ADAR: variants seen among roughly 807,000 people sequenced by gnomAD.
ADAR encodes the protein double-stranded RNA-specific adenosine deaminase.
ADAR carries 41 observed loss-of-function variants against 113.2 expected under a neutral mutation model. That is an observed-to-expected ratio of 0.36 (90% CI 0.28 to 0.47). The LOEUF is 0.47. Among genes scored for constraint, ADAR ranks in the 20% least tolerant of loss-of-function variants. ADAR has a pLI of 1.00. For missense variants in ADAR, 1,242 were observed against 1,540.9 expected (o/e 0.81, Z 3.25); for synonymous variants, 605 against 572.6 (o/e 1.06, Z -0.81).
At chr1:154,595,330 A>T (rs1697422618) in intron 6 of ADAR, among the ~76,000 whole-genome samples, 1 of 152,212 alleles carries the variant, frequency 6.6e-6, no homozygotes, top group African/African-American at 2.4e-5. Context: ...TCCAGAAAGC[A>T]CTGTTACCAT....
chr1:154,591,943 G>T (rs1468433958), intron 6 of ADAR, among the ~76,000 whole-genome samples: 12 of 152,198 alleles, frequency 7.9e-5, no homozygotes, highest in Admixed American at 7.9e-4. Flanking sequence ...AGATTGTGTA[G>T]TATCTTTACC....
At chr1:154,610,251 A>G (rs1165932262), upstream of ADAR, among the ~76,000 whole-genome samples, 4 of 146,798 alleles carry the variant, frequency 2.7e-5, no homozygotes, top group Admixed American at 2.8e-4. Context: ...GTAAACCCCA[A>G]GAAGTTCATG....
At chr1:154,606,161 C>T (rs1318450290) in intron 1 of ADAR, 1 of 155,480 alleles carries the variant, frequency 6.4e-6, no homozygotes, top group Non-Finnish European at 1.4e-5. Flanking sequence ...CCTGCCTCAG[C>T]CTCCGGAGTA....
intron 1 of ADAR, among the ~76,000 whole-genome samples, chr1:154,620,665 A>G (rs1235780459): frequency 6.6e-6 from 1 of 152,242 alleles, no homozygotes; most frequent in Non-Finnish European, 1.5e-5. Flanking sequence ...ATTTTAGAAC[A>G]GGCAAAACTA....
At chr1:154,595,568 A>G (rs1053980141) in intron 6 of ADAR, among the ~76,000 whole-genome samples, 1 of 152,212 alleles carries the variant, frequency 6.6e-6, no homozygotes, top group Non-Finnish European at 1.5e-5. Flanking sequence ...AACAAAGGAA[A>G]TATTTTTGGA....
rs763134303 is a variant in ADAR at position 154,598,592 on chromosome 1, G to A, written c.1602-7C>T. On this transcript the variant is annotated splice_polypyrimidine_tract_variant and splice_region_variant and intron_variant, in intron 2 of 14. Transcript: ENST00000368474. ...GACAACCTGGAATTTAAATCTTGAC[G>A]GAAAGTGATTAGATGTGTGAACAGG... The A allele has an allele frequency of 2.4e-5, 39 of 1,613,868 alleles. No individual in the cohort carries two copies. The South Asian group carries it at 3.3e-4, about 14-fold the overall frequency.
chr1:154,602,579 C>T lies in ADAR; in HGVS notation c.63G>A (p.Glu21=). The T allele has an allele frequency of 6.2e-7, 1 of 1,614,200 alleles. No homozygotes were observed. The highest frequency in any genetic ancestry group is 8.5e-7 in the Non-Finnish European group (1 of 1,180,022). ...GCTGCTGGTACCTGAGCTGTCTGTG[C>T]TCATAGCCTTGAAATGGATGGGTGT... ...GYYTHPFQGY[E]HRQLRYQQPG... The change falls in exon 2 of 15, where the codon GAG becomes GAA. Residue 21 remains glutamate (E), a synonymous_variant. Transcript: ENST00000368474.
At chr1:154,586,666 A>T (rs767393374) in intron 11 of ADAR, among the ~76,000 whole-genome samples, 2 of 152,228 alleles carry the variant, frequency 1.3e-5, no homozygotes, top group Non-Finnish European at 2.9e-5. Flanking sequence ...AGTGCTCTGA[A>T]GGCTCTGAGG....
upstream of ADAR, among the ~76,000 whole-genome samples, chr1:154,609,929 A>T (rs144883312): frequency 2.3e-3 from 351 of 152,304 alleles, 1 homozygote; most frequent in African/African-American, 7.4e-3. Context: ...CGGGGGCAGG[A>T]AGCATGTTTT....
At chr1:154,586,859 G>A (rs1039895445) in intron 11 of ADAR, among the ~76,000 whole-genome samples, 1 of 152,162 alleles carries the variant, frequency 6.6e-6, no homozygotes, top group African/African-American at 2.4e-5. Flanking sequence ...CAGAGCATAT[G>A]CGAGGGATGG....
chr1:154,601,630 C>G lies in ADAR; in HGVS notation c.1012G>C (p.Glu338Gln). 6.2e-7 allele frequency: 1 copy of G among 1,613,702 alleles called. No individual in the cohort carries two copies. The highest frequency in any genetic ancestry group is 8.5e-7 in the Non-Finnish European group (1 of 1,180,024). Residue 338 changes from glutamate to glutamine, a missense_variant, in exon 2 of 15, where the codon GAA becomes CAA. By Grantham distance (29) the Glu-to-Gln change is conservative. Transcript: ENST00000368474. This position sits in a 1 kb window ranked among gnomAD's most constrained non-coding sequence, Gnocchi z 4.7. The stretch of plus-strand genomic sequence containing the variant: ...TGTCTATAGACATCCCCCTGCCTTT[C>G]CATGTCAATTAGCACAGCATTTATA... ...RDINAVLIDM[E>Q]RQGDVYRQGT...
chr1:154,623,726 G>C (rs1698856633), intron 1 of ADAR, among the ~76,000 whole-genome samples: 1 of 152,160 alleles, frequency 6.6e-6, no homozygotes, highest in Non-Finnish European at 1.5e-5. Flanking sequence ...AAGAAGGCCG[G>C]GCACAGTAGC....
At chr1:154,623,800 C>A (rs1357159013) in intron 1 of ADAR, among the ~76,000 whole-genome samples, 1 of 151,940 alleles carries the variant, frequency 6.6e-6, no homozygotes, top group East Asian at 1.9e-4. Flanking sequence ...GTCAGGAGTT[C>A]AAGACCAGCC....
In ADAR at chr1:154,598,432, GGAT is replaced by G. The variant is rs17843870; in HGVS notation, c.1752_1754del (p.Ser585del). On this transcript the variant is annotated inframe_deletion, in exon 3 of 15. Coordinates refer to ENST00000368474, the MANE Select transcript of ADAR (RefSeq NM_001111.5). The stretch of plus-strand genomic sequence containing the variant: ...CTGATTCTTTCTCTGTGGAATAGTG[GGAT>G]GATTCTTCTGATTTTCCACTGTCCT... The G allele has an allele frequency of 4.8e-5, 77 of 1,614,146 alleles. 1 individual carries two copies. In the East Asian group the frequency reaches 1.7e-3, roughly 35 times the overall value.
At chr1:154,614,267 C>G (rs1431163758) in intron 1 of ADAR, among the ~76,000 whole-genome samples, 1 of 152,236 alleles carries the variant, frequency 6.6e-6, no homozygotes, top group African/African-American at 2.4e-5. Context: ...AGCCGCTTCT[C>G]CGATGCTAGA....
chr1:154,593,522 G>A (rs1557875387), intron 6 of ADAR, among the ~76,000 whole-genome samples: 1 of 152,166 alleles, frequency 6.6e-6, no homozygotes, highest in Non-Finnish European at 1.5e-5. Context: ...GTCCTAGAAA[G>A]GATTTCACAG....
At chr1:154,621,616 TCAAA>T (rs1347804908) in intron 1 of ADAR, among the ~76,000 whole-genome samples, 2 of 152,200 alleles carry the variant, frequency 1.3e-5, no homozygotes, top group Non-Finnish European at 2.9e-5. Flanking sequence ...TAAAAAGGGC[TCAAA>T]CAATTATAAT....
chr1:154,597,878 G>T lies in ADAR; in HGVS notation c.1884C>A (p.Asn628Lys). The T allele has an allele frequency of 6.2e-7, 1 of 1,614,188 alleles. No homozygotes were observed. The change falls in exon 4 of 15, where the codon AAC (asparagine) becomes AAA (lysine). Residue 628 changes from asparagine to lysine, a missense_variant. By Grantham distance (94) the Asn-to-Lys change is moderately conservative. Transcript: ENST00000368474. Reference protein sequence around the residue: ...TLLECMHKLGNSCEFRLLSKE... With the variant: ...TLLECMHKLGKSCEFRLLSKE... Reference sequence around the variant, plus strand: ...TGGACAGGAGACGGAATTCGCAGGAGTTCCCCAATTTGTGCATACACTCAA... The same window carrying T: ...TGGACAGGAGACGGAATTCGCAGGATTTCCCCAATTTGTGCATACACTCAA...
chr1:154,596,731 C>CAGGAA, intron 6 of ADAR, 74 bp downstream of exon 6: 1 of 1,565,656 alleles, frequency 6.4e-7, no homozygotes, highest in African/African-American at 1.4e-5. Flanking sequence ...AGCTAAAGCA[C>CAGGAA]ACCCTTGTTT....
Sources: gnomAD v4.1 joint callset for allele counts (sites outside exome capture counted in the v4.1 genomes callset) on GRCh38, gnomAD v4.1.1 for gene constraint, Gnocchi (gnomAD v3.1) non-coding constraint, MANE v1.5 for transcripts, NCBI Gene and HGNC (gene_info 2026-07-23, HGNC 2026-07-21) for gene names.